Variants in SYTL3 observed in about 807,000 individuals in gnomAD.
SYTL3 encodes the protein synaptotagmin-like protein 3.
Under a neutral mutation model 82.1 loss-of-function variants are expected in SYTL3, and 88 were observed. The observed-to-expected ratio is 1.07, with a 90% confidence interval of 0.90 to 1.28. SYTL3 has a LOEUF of 1.28. Among genes scored for constraint, SYTL3 ranks in the 50% most tolerant of loss-of-function variants. The pLI is 0.00. For synonymous variants in SYTL3, 311 were observed against 289.4 expected, an observed-to-expected ratio of 1.07 and a Z score of -0.76; for missense variants, 831 against 757.6, an observed-to-expected ratio of 1.10 and a Z score of -1.14.
At chr6:158,729,205 G>A (rs546586036) in intron 11 of SYTL3, among the ~76,000 whole-genome samples, 2 of 152,278 alleles carry the variant, frequency 1.3e-5, no homozygotes, top group South Asian at 4.1e-4. Context: ...AATATCACAG[G>A]CTGGGTAATT....
At chr6:158,646,499 A>G (rs1787470977), upstream of SYTL3, among the ~76,000 whole-genome samples, 1 of 152,118 alleles carries the variant, frequency 6.6e-6, no homozygotes, top group South Asian at 2.1e-4. Flanking sequence ...CATTTCCCTC[A>G]TGGGTGTTAG....
intron 11 of SYTL3, among the ~76,000 whole-genome samples, chr6:158,742,097 A>G (rs888369544): frequency 2.0e-5 from 3 of 152,240 alleles, no homozygotes. Flanking sequence ...TCGAATAAGA[A>G]AACTGCTCAA....
intron 13 of SYTL3, 61 bp from the exon 14 acceptor site, chr6:158,757,150 G>A: frequency 1.3e-6 from 2 of 1,516,792 alleles, no homozygotes; most frequent in Non-Finnish European, 8.9e-7. Flanking sequence ...GTCCAGAGAT[G>A]GGGATCCTAG....
chr6:158,674,222 A>G (rs1462648688), intron 5 of SYTL3, among the ~76,000 whole-genome samples: 2 of 151,972 alleles, frequency 1.3e-5, no homozygotes, highest in East Asian at 1.9e-4. Context: ...CACAGATTCA[A>G]CTTTCTAGCC....
At chr6:158,723,548 C>T (rs894687579) in intron 10 of SYTL3, among the ~76,000 whole-genome samples, 42 of 152,008 alleles carry the variant, frequency 2.8e-4, no homozygotes, top group African/African-American at 1.0e-3. Flanking sequence ...GTAAAATACA[C>T]ATAAGACTTA....
chr6:158,659,285 A>G (rs1261932712), intron 2 of SYTL3, among the ~76,000 whole-genome samples: 1 of 152,218 alleles, frequency 6.6e-6, no homozygotes, highest in African/African-American at 2.4e-5. Context: ...TGATACAGAA[A>G]GTACAGTTTT....
chr6:158,707,168 G>T (rs1782193252), intron 6 of SYTL3, 62 bp from the exon 7 acceptor site: 1 of 1,480,876 alleles, frequency 6.8e-7, no homozygotes, highest in Non-Finnish European at 9.4e-7. Context: ...ACTATTTCCT[G>T]TATTTACATT....
At chr6:158,647,715 G>A (rs1562330145), upstream of SYTL3, among the ~76,000 whole-genome samples, 1 of 152,258 alleles carries the variant, frequency 6.6e-6, no homozygotes, top group Non-Finnish European at 1.5e-5. Flanking sequence ...TTGGAGCTCA[G>A]ACACCTTTAC....
At chr6:158,721,655 CAG>C (rs927774805) in intron 10 of SYTL3, among the ~76,000 whole-genome samples, 33 of 151,790 alleles carry the variant, frequency 2.2e-4, no homozygotes, top group South Asian at 2.1e-4. Context: ...ATTTTTGAGA[CAG>C]AGTCTCATTC....
chr6:158,757,597 G>A (rs1048877337), intron 14 of SYTL3, among the ~76,000 whole-genome samples: 7 of 127,880 alleles, frequency 5.5e-5, no homozygotes, highest in Admixed American at 1.8e-4. Context: ...TCAGGTACCC[G>A]AACAGCCCCC....
chr6:158,659,739 C>T (rs1789131612), intron 2 of SYTL3, among the ~76,000 whole-genome samples: 2 of 152,166 alleles, frequency 1.3e-5, no homozygotes, highest in African/African-American at 4.8e-5. Flanking sequence ...CTTGACTTTT[C>T]ATTTCGTTTT....
chr6:158,682,610 C>T (rs1296919015), intron 5 of SYTL3, among the ~76,000 whole-genome samples: 2 of 151,412 alleles, frequency 1.3e-5, no homozygotes, highest in South Asian at 2.1e-4. Flanking sequence ...CCGCCTGCCT[C>T]GGCCTCCCAA....
At chr6:158,680,024 A>G (rs187679902) in intron 5 of SYTL3, among the ~76,000 whole-genome samples, 11 of 152,306 alleles carry the variant, frequency 7.2e-5, no homozygotes, top group Admixed American at 2.6e-4. Context: ...CACTCACCAG[A>G]AAGGCAATTC....
At chr6:158,733,900 A>G (rs944951196) in intron 11 of SYTL3, among the ~76,000 whole-genome samples, 2 of 151,276 alleles carry the variant, frequency 1.3e-5, no homozygotes, top group African/African-American at 4.8e-5. Flanking sequence ...GATCAAGACC[A>G]TCCTGGCTAA....
intron 11 of SYTL3, among the ~76,000 whole-genome samples, chr6:158,743,557 T>A (rs970027359): frequency 6.7e-6 from 1 of 149,956 alleles, no homozygotes; most frequent in Non-Finnish European, 1.5e-5. Context: ...CTATCTTCAC[T>A]TCTCATACCT....
chr6:158,740,914 A>G (rs6920912), intron 11 of SYTL3, among the ~76,000 whole-genome samples: 54,856 of 151,998 alleles, frequency 0.36, 10,651 homozygotes, highest in South Asian at 0.51. Flanking sequence ...TTGGGATTCA[A>G]TGAACTCTTG....
At chr6:158,645,848 C>G (rs1177253466), upstream of SYTL3, among the ~76,000 whole-genome samples, 1 of 152,168 alleles carries the variant, frequency 6.6e-6, no homozygotes, top group African/African-American at 2.4e-5. Flanking sequence ...CTTTGGATGA[C>G]TAAACTTTTA....
chr6:158,764,465 C>T, intron 17 of SYTL3, 30 bp from the exon 18 acceptor site: 3 of 1,556,754 alleles, frequency 1.9e-6, no homozygotes, highest in Non-Finnish European at 2.7e-6. Flanking sequence ...CCCTCCCCGA[C>T]CATGGCTAAA....
intron 14 of SYTL3, among the ~76,000 whole-genome samples, chr6:158,759,207 CAG>C (rs1348907158): frequency 7.0e-6 from 1 of 143,644 alleles, no homozygotes; most frequent in African/African-American, 2.9e-5. Context: ...GCAGGTGGCA[CAG>C]AGCTGCAGGT....
Sources: allele counts gnomAD v4.1 joint callset (sites outside exome capture counted in the v4.1 genomes callset), GRCh38; gene constraint gnomAD v4.1.1; transcripts MANE v1.5; gene names NCBI Gene and HGNC (gene_info 2026-07-23, HGNC 2026-07-21).